Variants in INPP5A observed in about 807,000 individuals in gnomAD.
INPP5A encodes the protein 43 kDa inositol polyphosphate 5-phophatase.
In INPP5A, 14 loss-of-function variants were observed where a neutral mutation model predicts 65.2. That is an observed-to-expected ratio of 0.21 (90% CI 0.14 to 0.34). The LOEUF (loss-of-function observed/expected upper bound fraction) is 0.34. INPP5A is among the 10% of genes least tolerant of loss of function. The probability of loss-of-function intolerance (pLI) is 1.00; values close to 1 mark genes in which losing one functional copy is unlikely to be tolerated. For missense variants in INPP5A, 431 were observed against 545.6 expected (o/e 0.79, Z 2.09); for synonymous variants, 207 against 208.3 (o/e 0.99, Z 0.05).
intron 4 of INPP5A, among the ~76,000 whole-genome samples, chr10:132,661,396 C>T (rs567771767): frequency 1.3e-5 from 2 of 152,066 alleles, no homozygotes; most frequent in African/African-American, 2.4e-5. Context: ...GTAAATGATG[C>T]CGTTGGAAAT....
At chr10:132,625,840 CTG>C (rs139839964) in intron 2 of INPP5A, among the ~76,000 whole-genome samples, 5,219 of 146,608 alleles carry the variant, frequency 0.036, 78 homozygotes, top group African/African-American at 0.045. Context: ...GGCAGGACTT[CTG>C]TGTGTGTGTG....
chr10:132,574,364 G>A (rs1026374457), intron 1 of INPP5A, among the ~76,000 whole-genome samples: 9 of 148,604 alleles, frequency 6.1e-5, no homozygotes, highest in South Asian at 4.3e-4. Context: ...TGTGCGTGCC[G>A]TGTGAGGTTT....
chr10:132,562,862 C>T (rs533219685), intron 1 of INPP5A, among the ~76,000 whole-genome samples: 15 of 152,318 alleles, frequency 9.8e-5, no homozygotes, highest in African/African-American at 3.1e-4. Context: ...TCTGTGAAGT[C>T]GCAGGCTCGG....
At chr10:132,562,536 A>T (rs1021212746) in intron 1 of INPP5A, among the ~76,000 whole-genome samples, 1 of 152,212 alleles carries the variant, frequency 6.6e-6, no homozygotes, top group Non-Finnish European at 1.5e-5. Flanking sequence ...CCTCTGCATG[A>T]CAGGCAGAGA....
At chr10:132,564,998 A>G (rs79584719) in intron 1 of INPP5A, among the ~76,000 whole-genome samples, 3,443 of 152,328 alleles carry the variant, frequency 0.023, 220 homozygotes, top group Admixed American at 0.14. Context: ...CAAGCCATTC[A>G]CAGCGCTGCT....
rs2072222126 is a variant in INPP5A at position 132,628,473 on chromosome 10, G to GGC, written c.118-17394_118-17393insCG. Reference sequence around the variant, plus strand: ...GATGTGCTCTGGTGGCGGGGGGGGGGGGGGGCGTGGCGTGGGGGACACGTA... The same window carrying GGC: ...GATGTGCTCTGGTGGCGGGGGGGGGGGCGGGGGCGTGGCGTGGGGGACACGTA... On this transcript the variant is annotated intron_variant, in intron 2 of 15. Transcript: ENST00000368594. Among the ~76,000 whole-genome samples the GGC allele has an allele frequency of 1.3e-5, 2 of 150,896 alleles. 1 individual carries two copies. The highest frequency in any genetic ancestry group is 3.0e-5 in the Non-Finnish European group (2 of 67,564).
At chr10:132,573,715 T>G (rs561827525) in intron 1 of INPP5A, among the ~76,000 whole-genome samples, 7 of 109,624 alleles carry the variant, frequency 6.4e-5, no homozygotes, top group African/African-American at 2.8e-4. Flanking sequence ...TGTGAGGTTT[T>G]GTTGAGATGT....
At chr10:132,552,435 A>G (rs1386398504) in intron 1 of INPP5A, among the ~76,000 whole-genome samples, 5 of 139,040 alleles carry the variant, frequency 3.6e-5, no homozygotes, top group African/African-American at 1.1e-4. Flanking sequence ...CCTTGGTGGC[A>G]TATTGAGTAG....
In INPP5A at chr10:132,714,445, C is replaced by A. The variant is rs1484192981; in HGVS notation, c.647+3989C>A. Among the ~76,000 whole-genome samples the A allele has an allele frequency of 2.0e-5, 3 of 152,348 alleles. No homozygotes were observed. In the South Asian group the frequency reaches 6.2e-4, roughly 32 times the overall value. Reference sequence around the variant, plus strand: ...GCCTCTGAATGGACGCTGCCACCAACGGGGCCCCATTCACGGCGTTGGGAA... The same window carrying A: ...GCCTCTGAATGGACGCTGCCACCAAAGGGGCCCCATTCACGGCGTTGGGAA... On this transcript the variant is annotated intron_variant, in intron 8 of 15. Coordinates refer to ENST00000368594, the MANE Select transcript of INPP5A (RefSeq NM_005539.5).
Position 132,650,478 on chromosome 10 carries a change from A to G in INPP5A, c.279A>G (p.Glu93=). 1 of 1,613,662 alleles carries G rather than the reference A, an allele frequency of 6.2e-7. No homozygotes were observed. Among genetic ancestry groups the G allele is most frequent in the Non-Finnish European group, 8.5e-7 (1 of 1,179,672 alleles). The part of the protein sequence containing the change: ...EYNRARVYLD[E]NYKSQEHFTA... ...ACAGGGCTCGAGTCTACCTGGATGAAAACTACAAATCCCAGGAGCACTTCA... is the reference window on the plus strand; with the variant it reads ...ACAGGGCTCGAGTCTACCTGGATGAGAACTACAAATCCCAGGAGCACTTCA... Residue 93 remains glutamate, a synonymous_variant, in exon 4 of 16, where the codon GAA becomes GAG. Coordinates refer to ENST00000368594, the MANE Select transcript of INPP5A (RefSeq NM_005539.5). This position sits in a 1 kb window ranked among gnomAD's most constrained non-coding sequence, Gnocchi z 5.5.
At chr10:132,560,805 C>A (rs1162276203) in intron 1 of INPP5A, among the ~76,000 whole-genome samples, 1 of 151,990 alleles carries the variant, frequency 6.6e-6, no homozygotes, top group East Asian at 1.9e-4. Context: ...AATACAGGGT[C>A]TTGCTATGCT....
chr10:132,705,474 G>A lies in INPP5A; in HGVS notation c.475-2839G>A, dbSNP rs1845523635. On this transcript the variant is annotated intron_variant, in intron 6 of 15. Transcript: ENST00000368594. The surrounding 1 kb of genome is among the most constrained non-coding windows in gnomAD (Gnocchi z 4.9). ...CAGCCTGAGCACAGCAGGGGATGTG[G>A]GCTCAGTACCAGAGCCAGCTCGTGG... Among the ~76,000 whole-genome samples the A allele has an allele frequency of 6.6e-6, 1 of 152,240 alleles. No individual in the cohort carries two copies. The highest frequency in any genetic ancestry group is 6.5e-5 in the Admixed American group (1 of 15,292).
At position 132,616,069 on chromosome 10, in the gene INPP5A, G is replaced by A. The variant is rs971599307; in HGVS notation, c.117+8113G>A. Among the ~76,000 whole-genome samples, 2 of 152,160 alleles carry A rather than the reference G, an allele frequency of 1.3e-5. No individual in the cohort carries two copies. The highest frequency in any genetic ancestry group is 2.1e-4 in the South Asian group (1 of 4,832). ...CTGTGGGGAGCGGTGAGGGATGGTC[G>A]TGTGCGTCGTTTTAGGAGCATGTGT... On this transcript the variant is annotated intron_variant, in intron 2 of 15. Coordinates refer to ENST00000368594, the MANE Select transcript of INPP5A (RefSeq NM_005539.5). The surrounding 1 kb of genome is among the most constrained non-coding windows in gnomAD (Gnocchi z 4.9).
intron 8 of INPP5A, among the ~76,000 whole-genome samples, chr10:132,720,291 G>A (rs1457880393): frequency 5.5e-5 from 8 of 144,166 alleles, no homozygotes; most frequent in African/African-American, 7.7e-5. Context: ...TGCCTTAGAC[G>A]GCTGTCTTGC....
intron 8 of INPP5A, among the ~76,000 whole-genome samples, chr10:132,716,911 C>T (rs1158414110): frequency 6.6e-6 from 1 of 152,242 alleles, no homozygotes; most frequent in Non-Finnish European, 1.5e-5. Flanking sequence ...TGCCCGAGAG[C>T]ACTTGATGTG....
intron 2 of INPP5A, among the ~76,000 whole-genome samples, chr10:132,608,481 G>A (rs960933912): frequency 6.6e-6 from 1 of 152,268 alleles, no homozygotes; most frequent in African/African-American, 2.4e-5. Context: ...CTGTGCTCTG[G>A]TGTGGACGCT....
chr10:132,568,060 G>A (rs951885067), intron 1 of INPP5A, among the ~76,000 whole-genome samples: 2 of 151,888 alleles, frequency 1.3e-5, no homozygotes, highest in African/African-American at 2.4e-5. Context: ...GTGTGGTGGT[G>A]CGTGCCTGTA....
At chr10:132,590,059 C>T (rs2819720) in intron 1 of INPP5A, among the ~76,000 whole-genome samples, 149,357 of 152,362 alleles carry the variant, frequency 0.98, 73,273 homozygotes, top group East Asian at 1. Context: ...TGGAAAAGGA[C>T]ACGGTCTACA....
intron 3 of INPP5A, 129 bp downstream of exon 3, chr10:132,646,097 A>C (rs2072490539): frequency 1.5e-6 from 1 of 657,924 alleles, no homozygotes; most frequent in African/African-American, 1.8e-5. Flanking sequence ...ATCTTGGCTG[A>C]GTCTCAGTTT....
Sources: allele counts gnomAD v4.1 joint callset (sites outside exome capture counted in the v4.1 genomes callset), GRCh38; gene constraint gnomAD v4.1.1; non-coding constraint Gnocchi (gnomAD v3.1); transcripts MANE v1.5; gene names NCBI Gene and HGNC (gene_info 2026-07-23, HGNC 2026-07-21).